GDA: variants seen among roughly 807,000 people sequenced by gnomAD.
The protein encoded by GDA is cytoplasmic PSD-95 interactor.
In GDA, 18 loss-of-function variants were observed where a neutral mutation model predicts 59.6. That is an observed-to-expected ratio of 0.30 (90% CI 0.21 to 0.45). The LOEUF is 0.45. Ranked by LOEUF, GDA falls within the 20% of genes least tolerant of loss-of-function variation. The probability of loss-of-function intolerance (pLI) is 1.00; values close to 1 mark genes in which losing one functional copy is unlikely to be tolerated. For synonymous variants in GDA, 201 were observed against 201.1 expected (o/e 1.00, Z 0.00); for missense variants, 427 against 552.3 (o/e 0.77, Z 2.27).
intron 1 of GDA, among the ~76,000 whole-genome samples, chr9:72,153,869 C>A (rs1326033792): frequency 1.4e-5 from 2 of 145,234 alleles, no homozygotes; most frequent in South Asian, 2.3e-4. Flanking sequence ...TGCTAAATGA[C>A]GAGTTAATGG....
intron 13 of GDA, among the ~76,000 whole-genome samples, chr9:72,248,009 G>A (rs913595902): frequency 5.3e-5 from 8 of 152,084 alleles, no homozygotes; most frequent in Non-Finnish European, 1.0e-4. Flanking sequence ...AGCTGAGAAA[G>A]GACAGCTATA....
At chr9:72,127,125 TG>T (rs959265611) in intron 1 of GDA, among the ~76,000 whole-genome samples, 2 of 151,992 alleles carry the variant, frequency 1.3e-5, no homozygotes, top group Non-Finnish European at 2.9e-5. Context: ...ATGTCAGAGT[TG>T]GCATGATCTT....
At chr9:72,126,404 A>G (rs568820477) in intron 1 of GDA, among the ~76,000 whole-genome samples, 9 of 152,272 alleles carry the variant, frequency 5.9e-5, no homozygotes, top group Admixed American at 5.2e-4. Flanking sequence ...CAACTCACAG[A>G]CTTGCCAGAT....
intron 11 of GDA, 139 bp downstream of exon 11, chr9:72,241,437 A>T (rs1839600986): frequency 1.7e-6 from 1 of 576,364 alleles, no homozygotes; most frequent in African/African-American, 1.8e-5. Flanking sequence ...CATACCCAGA[A>T]CTCAGCCAGT....
chr9:72,233,872 G>A (rs1456026583), intron 10 of GDA, among the ~76,000 whole-genome samples: 4 of 152,114 alleles, frequency 2.6e-5, no homozygotes, highest in Non-Finnish European at 5.9e-5. Flanking sequence ...AGCTTGGGAG[G>A]TCAAGGCTGC....
chr9:72,233,029 C>T (rs959228966), intron 10 of GDA, among the ~76,000 whole-genome samples: 4 of 152,164 alleles, frequency 2.6e-5, no homozygotes, highest in African/African-American at 7.2e-5. Context: ...AGCTTATTTA[C>T]TCAGAGGATG....
At chr9:72,116,256 T>G (rs1014912714) in intron 1 of GDA, among the ~76,000 whole-genome samples, 1 of 151,912 alleles carries the variant, frequency 6.6e-6, no homozygotes, top group African/African-American at 2.4e-5. Context: ...TTATGAAATA[T>G]GTTCCTTATT....
intron 6 of GDA, among the ~76,000 whole-genome samples, chr9:72,219,890 A>G (rs1283639319): frequency 6.6e-6 from 1 of 152,142 alleles, no homozygotes; most frequent in Non-Finnish European, 1.5e-5. Context: ...TTTGACCATC[A>G]TCTCCCCACA....
intron 1 of GDA, among the ~76,000 whole-genome samples, chr9:72,162,726 C>T (rs900242200): frequency 3.3e-5 from 5 of 151,750 alleles, no homozygotes; most frequent in East Asian, 1.9e-4. Context: ...GGCGTGGTCT[C>T]GGCTTACTGC....
chr9:72,214,907 T>C, intron 5 of GDA: 1 of 184,628 alleles, frequency 5.4e-6, no homozygotes, highest in South Asian at 8.1e-5. Context: ...CTAATTTTTG[T>C]ATTTTTAGTA....
At chr9:72,237,002 A>T (rs1251599536) in intron 10 of GDA, among the ~76,000 whole-genome samples, 1 of 151,138 alleles carries the variant, frequency 6.6e-6, no homozygotes, top group African/African-American at 2.4e-5. Flanking sequence ...CTGGTCTTGA[A>T]CTCCTGACCT....
Position 72,223,162 on chromosome 9 carries a change from T to A in GDA, c.649T>A (p.Ser217Thr). 1 of 1,612,982 alleles carries A rather than the reference T, an allele frequency of 6.2e-7. No individual in the cohort carries two copies. The highest frequency in any genetic ancestry group is 2.2e-5 in the East Asian group (1 of 44,874). Residue 217 changes from serine to threonine, a missense_variant, in exon 7 of 14, where the codon TCC becomes ACC. Physicochemically the swap from Ser to Thr is moderately conservative, Grantham distance 58. Transcript: ENST00000358399. ...KPIVTPRFSL[S>T]CSETLMGELG... ...CATAGTGACACCACGTTTTTCCCTC[T>A]CCTGCTCTGAGACTTTGATGGGTGA...
intron 5 of GDA, among the ~76,000 whole-genome samples, chr9:72,219,206 C>T (rs912804746): frequency 2.6e-5 from 4 of 152,026 alleles, no homozygotes; most frequent in African/African-American, 7.2e-5. Flanking sequence ...AGATCAAGAC[C>T]ATCCTGGCTA....
chr9:72,231,268 GT>G (rs1256750055), intron 10 of GDA, 87 bp downstream of exon 10: 8 of 689,056 alleles, frequency 1.2e-5, no homozygotes, highest in South Asian at 3.2e-5. Context: ...TGACTGTTCT[GT>G]TTAAAAAAAA....
chr9:72,149,810 T>C, intron 1 of GDA, 128 bp downstream of exon 1: 1 of 967,464 alleles, frequency 1.0e-6, no homozygotes, highest in Non-Finnish European at 1.5e-6. Context: ...GGAGTTGAAC[T>C]TGAGTCTTTG....
intron 1 of GDA, among the ~76,000 whole-genome samples, chr9:72,157,271 C>T (rs929212334): frequency 1.3e-5 from 2 of 152,042 alleles, no homozygotes; most frequent in Non-Finnish European, 2.9e-5. Flanking sequence ...GAACTCCTGA[C>T]CTCAGGTGAT....
chr9:72,154,418 C>T (rs1453438164), intron 1 of GDA, among the ~76,000 whole-genome samples: 1 of 152,168 alleles, frequency 6.6e-6, no homozygotes. Context: ...CCTAGCAAAT[C>T]CTTAACCTCT....
At chr9:72,164,413 C>CAACT (rs2130877039) in intron 1 of GDA, among the ~76,000 whole-genome samples, 1 of 152,226 alleles carries the variant, frequency 6.6e-6, no homozygotes, top group East Asian at 1.9e-4. Flanking sequence ...AAACCTCAGG[C>CAACT]AACTGTTGAC....
At chr9:72,124,278 A>T (rs1825773460) in intron 1 of GDA, among the ~76,000 whole-genome samples, 1 of 152,270 alleles carries the variant, frequency 6.6e-6, no homozygotes, top group African/African-American at 2.4e-5. Flanking sequence ...TAAATATCAG[A>T]GAAGTTTCTG....
Sources: gnomAD v4.1 joint callset for allele counts (sites outside exome capture counted in the v4.1 genomes callset) on GRCh38, gnomAD v4.1.1 for gene constraint, MANE v1.5 for transcripts, NCBI Gene and HGNC (gene_info 2026-07-23, HGNC 2026-07-21) for gene names.